The following NRP2 variants were observed in gnomAD, a reference collection of about 807,000 sequenced individuals.
The protein encoded by NRP2 is neuropilin-2.
In NRP2, 52 loss-of-function variants were observed where a neutral mutation model predicts 110.4. The observed-to-expected ratio is 0.47, with a 90% confidence interval of 0.38 to 0.59. NRP2 has a LOEUF of 0.59. Among genes scored for constraint, NRP2 ranks in the 20% least tolerant of loss-of-function variants. The pLI, the probability that NRP2 is intolerant of heterozygous loss-of-function variation, is 0.00. For missense variants in NRP2, 1,049 were observed against 1,203.0 expected, an observed-to-expected ratio of 0.87 and a Z score of 1.89; for synonymous variants, 508 against 468.9, an observed-to-expected ratio of 1.08 and a Z score of -1.08.
rs575688661 is a variant in NRP2, at chr2:205,791,765, G to T, written c.2426-470G>T. On this transcript the variant is annotated intron_variant, in intron 15 of 16. Coordinates refer to ENST00000357785, the MANE Select transcript of NRP2 (RefSeq NM_003872.3). ...ATTAAAACATATAATGATGAAACAAGACTTCCTTAAACTACCATATGTTTA... is the reference window on the plus strand; with the variant it reads ...ATTAAAACATATAATGATGAAACAATACTTCCTTAAACTACCATATGTTTA... Among the ~76,000 whole-genome samples, 10 of 152,302 alleles carry T rather than the reference G, an allele frequency of 6.6e-5. No homozygotes were observed. The South Asian group carries it at 2.1e-3, about 32-fold the overall frequency.
intron 2 of NRP2, among the ~76,000 whole-genome samples, chr2:205,702,788 C>A (rs907689652): frequency 6.6e-6 from 1 of 152,216 alleles, no homozygotes; most frequent in African/African-American, 2.4e-5. Flanking sequence ...TGCAAACAAC[C>A]AAGCATAGTC....
Position 205,749,851 on chromosome 2 carries a change from A to G in NRP2, c.1903+10A>G. On this transcript the variant is annotated intron_variant, in intron 11 of 16. Transcript: ENST00000357785. The stretch of plus-strand genomic sequence containing the variant: ...TGCAGCTTTGAGGATGGTAAGCACA[A>G]ATTGCCTCCAGATGGCATGGGTGCG... 6.2e-7 allele frequency: 1 copy of G among 1,605,040 alleles called. No individual in the cohort carries two copies. The highest frequency in any genetic ancestry group is 1.7e-5 in the Admixed American group (1 of 59,994).
chr2:205,748,518 G>C (rs1483252296), intron 10 of NRP2, among the ~76,000 whole-genome samples: 1 of 152,240 alleles, frequency 6.6e-6, no homozygotes, highest in Non-Finnish European at 1.5e-5. Context: ...ACACAGCAAA[G>C]GGAAGTATGA....
intron 2 of NRP2, among the ~76,000 whole-genome samples, chr2:205,709,410 G>T (rs2056753236): frequency 1.3e-5 from 2 of 152,160 alleles, no homozygotes; most frequent in African/African-American, 2.4e-5. Context: ...CTTCCTTAAG[G>T]CATCTGGCAC....
intron 11 of NRP2, 115 bp downstream of exon 11, chr2:205,749,956 AG>A: frequency 2.4e-6 from 2 of 829,996 alleles, no homozygotes; most frequent in Non-Finnish European, 4.1e-6. Flanking sequence ...GGGATCTCAA[AG>A]AAGTGGTAAG....
chr2:205,690,626 A>ACACG (rs1553571429), intron 1 of NRP2, among the ~76,000 whole-genome samples: 98 of 124,566 alleles, frequency 7.9e-4, no homozygotes, highest in Non-Finnish European at 5.1e-4. Flanking sequence ...ACACACACAC[A>ACACG]CACAATAGCT....
intron 7 of NRP2, among the ~76,000 whole-genome samples, chr2:205,729,264 C>T (rs1285879280): frequency 6.6e-6 from 1 of 152,224 alleles, no homozygotes; most frequent in Non-Finnish European, 1.5e-5. Context: ...AAAACCATGG[C>T]TTCTGGATAT....
intron 1 of NRP2, among the ~76,000 whole-genome samples, chr2:205,690,748 C>G (rs769408117): frequency 6.6e-6 from 1 of 151,864 alleles, no homozygotes; most frequent in Non-Finnish European, 1.5e-5. Context: ...CCACTGCACT[C>G]TAGCCTGGGT....
Position 205,752,920 on chromosome 2 carries a change from G to A in NRP2, c.1989G>A (p.Lys663=), listed in dbSNP as rs757349981. The A allele has an allele frequency of 3.1e-6, 5 of 1,614,044 alleles. No homozygotes were observed. In the Admixed American group the frequency reaches 6.7e-5, roughly 22 times the overall value. The change falls in exon 12 of 17, where the codon AAG becomes AAA. Residue 663 remains lysine, a synonymous_variant. Coordinates refer to ENST00000357785, the MANE Select transcript of NRP2 (RefSeq NM_003872.3). ...GTGGTTGGATGTATGACCATGCCAA[G>A]TGGCTCCGGACCACCTGGGCCAGCA... The part of the protein sequence containing the change: ...EPCGWMYDHA[K]WLRTTWASSS...
At chr2:205,737,359 GC>G (rs1331151384) in intron 7 of NRP2, among the ~76,000 whole-genome samples, 1 of 152,230 alleles carries the variant, frequency 6.6e-6, no homozygotes, top group African/African-American at 2.4e-5. Flanking sequence ...AGGTTTAGAA[GC>G]AGGGGACCAG....
chr2:205,718,337 A>G (rs1478330744), intron 3 of NRP2, among the ~76,000 whole-genome samples: 8 of 152,364 alleles, frequency 5.3e-5, no homozygotes, highest in African/African-American at 1.9e-4. Context: ...GTAAGAGGGT[A>G]TCATAATTCA....
At chr2:205,700,571 C>G in intron 2 of NRP2, 1 of 361,534 alleles carries the variant, frequency 2.8e-6, no homozygotes, top group Non-Finnish European at 5.6e-6. Flanking sequence ...AAGAATTTAT[C>G]CTGGGCTGTG....
chr2:205,790,310 A>T (rs1170536113), intron 15 of NRP2, among the ~76,000 whole-genome samples: 1 of 152,230 alleles, frequency 6.6e-6, no homozygotes, highest in Non-Finnish European at 1.5e-5. Context: ...AATCATTAGC[A>T]TCATTTTACC....
intron 1 of NRP2, among the ~76,000 whole-genome samples, chr2:205,693,664 C>G (rs1417320074): frequency 6.6e-6 from 1 of 152,196 alleles, no homozygotes; most frequent in Non-Finnish European, 1.5e-5. Flanking sequence ...TGCCATCTCC[C>G]ATCTTTCTGC....
chr2:205,746,034 C>G, intron 10 of NRP2, 144 bp downstream of exon 10: 1 of 891,688 alleles, frequency 1.1e-6, no homozygotes, highest in Non-Finnish European at 1.8e-6. Context: ...TCTCCTGCCT[C>G]AGACCACGGG....
Position 205,732,548 on chromosome 2 carries a change from G to A in NRP2, c.1146+4502G>A, listed in dbSNP as rs562665110. ...TTCCACCCAGTCCAAATGGAATGGCGCTGCGGCTGCTATCGGCAAAGCACC... is the reference window on the plus strand; with the variant it reads ...TTCCACCCAGTCCAAATGGAATGGCACTGCGGCTGCTATCGGCAAAGCACC... On this transcript the variant is annotated intron_variant, in intron 7 of 16. Coordinates refer to ENST00000357785, the MANE Select transcript of NRP2 (RefSeq NM_003872.3). Among the ~76,000 whole-genome samples the A allele has an allele frequency of 9.8e-5, 15 of 152,328 alleles. No individual in the cohort carries two copies. The South Asian group carries it at 1.0e-3, about 11-fold the overall frequency.
rs905895518 is a variant in NRP2 at position 205,722,459 on chromosome 2, A to T, written c.434-19A>T. On this transcript the variant is annotated intron_variant, in intron 3 of 16. Transcript: ENST00000357785. ...AAAGGCATCTTCTTCTTAGTGCTAC[A>T]GTTCTCTTTTACATACAGGCTCTGA... 6.3e-7 allele frequency: 1 copy of T among 1,588,678 alleles called. No individual in the cohort carries two copies. Among genetic ancestry groups the T allele is most frequent in the Non-Finnish European group, 8.6e-7 (1 of 1,156,852 alleles).
At chr2:205,745,958 C>G (rs1465092777) in intron 10 of NRP2, 68 bp downstream of exon 10, 2 of 1,582,574 alleles carry the variant, frequency 1.3e-6, no homozygotes, top group Non-Finnish European at 1.7e-6. Flanking sequence ...TCCCACGAGG[C>G]CCTGGGAGGG....
intron 3 of NRP2, among the ~76,000 whole-genome samples, chr2:205,718,265 A>G (rs1293068543): frequency 6.6e-6 from 1 of 152,222 alleles, no homozygotes; most frequent in East Asian, 1.9e-4. Flanking sequence ...GCCACAGGAA[A>G]AGTCAATGTT....
Sources: gnomAD v4.1 joint callset for allele counts (sites outside exome capture counted in the v4.1 genomes callset) on GRCh38, gnomAD v4.1.1 for gene constraint, MANE v1.5 for transcripts, NCBI Gene and HGNC (gene_info 2026-07-23, HGNC 2026-07-21) for gene names.